STIM1: variants seen among roughly 807,000 people sequenced by gnomAD.
STIM1 encodes the protein stromal interaction molecule 1.
In STIM1, 25 loss-of-function variants were observed where a neutral mutation model predicts 74.7. That is an observed-to-expected ratio of 0.33 (90% CI 0.24 to 0.47). The LOEUF (loss-of-function observed/expected upper bound fraction) is 0.47, where lower values mean the gene tolerates loss of function less well. STIM1 is among the 20% of genes least tolerant of loss of function. The pLI is 1.00. For missense variants in STIM1, 728 were observed against 920.8 expected, an observed-to-expected ratio of 0.79 and a Z score of 2.71; for synonymous variants, 328 against 348.8, an observed-to-expected ratio of 0.94 and a Z score of 0.66.
At chr11:3,970,416 A>G (rs963179848) in intron 2 of STIM1, among the ~76,000 whole-genome samples, 3 of 152,284 alleles carry the variant, frequency 2.0e-5, no homozygotes, top group East Asian at 3.9e-4. Flanking sequence ...TCAAACATGT[A>G]TAAGATAGCC....
chr11:3,957,811 C>T (rs1032572098), intron 1 of STIM1, among the ~76,000 whole-genome samples: 1 of 152,042 alleles, frequency 6.6e-6, no homozygotes, highest in African/African-American at 2.4e-5. Context: ...TGTGATCTTC[C>T]TACCTTGGCC....
intron 4 of STIM1, 58 bp from the exon 5 acceptor site, chr11:4,059,223 C>A: frequency 1.4e-6 from 2 of 1,466,874 alleles, no homozygotes; most frequent in Non-Finnish European, 1.9e-6. Flanking sequence ...GTAATCCTAC[C>A]AGGATCCTTC....
chr11:4,040,521 CT>C (rs2094139963), intron 3 of STIM1, among the ~76,000 whole-genome samples: 1 of 152,246 alleles, frequency 6.6e-6, no homozygotes, highest in African/African-American at 2.4e-5. Context: ...CCCACAGCCC[CT>C]ATCTCTTCAC....
At chr11:4,055,989 G>A (rs551250290) in intron 4 of STIM1, among the ~76,000 whole-genome samples, 8 of 152,266 alleles carry the variant, frequency 5.3e-5, no homozygotes, top group African/African-American at 1.9e-4. Flanking sequence ...TGATGAAACT[G>A]GTTAAGTAAC....
chr11:4,044,022 G>T (rs2094170787), intron 3 of STIM1, among the ~76,000 whole-genome samples: 1 of 151,576 alleles, frequency 6.6e-6, no homozygotes, highest in African/African-American at 2.4e-5. Flanking sequence ...CAAAAAAAAA[G>T]AAAAAAAAGA....
intron 2 of STIM1, among the ~76,000 whole-genome samples, chr11:4,004,696 A>ATGAAG (rs766369614): frequency 0.025 from 3,787 of 151,374 alleles, 121 homozygotes; most frequent in African/African-American, 0.082. Context: ...CATGTCTAAA[A>ATGAAG]CACCAAAAGC....
intron 1 of STIM1, among the ~76,000 whole-genome samples, chr11:3,909,091 C>T (rs72847179): frequency 0.03 from 4,582 of 152,220 alleles, 94 homozygotes; most frequent in Non-Finnish European, 0.044. Context: ...ACTTTTCTTT[C>T]CTGAGTTGAG....
At chr11:3,959,096 A>G (rs778547760) in intron 1 of STIM1, among the ~76,000 whole-genome samples, 5 of 152,164 alleles carry the variant, frequency 3.3e-5, no homozygotes, top group Non-Finnish European at 7.3e-5. Context: ...TCCCAGGGCT[A>G]GTACTCTCAA....
rs569904135 is a variant in STIM1, at chr11:3,951,092, A to T, written c.140-16460A>T. 1.1e-4 allele frequency among the ~76,000 whole-genome samples: 16 copies of T among 152,332 alleles called. No homozygotes were observed. In the South Asian group the frequency reaches 3.1e-3, roughly 30 times the overall value. ...TAGAGGTATCGCCCTCAGAAATCAGATCAGGCTTGTGCAGAGGAGGGAGCA... is the reference window on the plus strand; with the variant it reads ...TAGAGGTATCGCCCTCAGAAATCAGTTCAGGCTTGTGCAGAGGAGGGAGCA... On this transcript the variant is annotated intron_variant, in intron 1 of 12. Transcript: ENST00000526596.
intron 4 of STIM1, 106 bp from the exon 5 acceptor site, chr11:4,059,175 C>A: frequency 1.0e-6 from 1 of 987,664 alleles, no homozygotes; most frequent in Non-Finnish European, 1.6e-6. Context: ...CAGAGGGGAG[C>A]AATCACCAAG....
intron 3 of STIM1, among the ~76,000 whole-genome samples, chr11:4,052,375 G>A (rs966387842): frequency 5.9e-5 from 9 of 152,088 alleles, no homozygotes; most frequent in South Asian, 2.1e-4. Flanking sequence ...GCATGGTACC[G>A]GTACCAAAAC....
At position 4,086,468 on chromosome 11, in the gene STIM1, T is replaced by C. The variant is rs201450136; in HGVS notation, c.1568-9T>C. The C allele has an allele frequency of 1.6e-4, 257 of 1,613,686 alleles. 2 individuals carry two copies. Among genetic ancestry groups the C allele is most frequent in the Non-Finnish European group, 2.0e-4 (232 of 1,179,878 alleles). Reference sequence around the variant, plus strand: ...GCCCCTCCTGACACTTTCTTTATTCTCCTTGCAGCCCCTAGCCTGCAGAGC... The same window carrying C: ...GCCCCTCCTGACACTTTCTTTATTCCCCTTGCAGCCCCTAGCCTGCAGAGC... On this transcript the variant is annotated splice_polypyrimidine_tract_variant and intron_variant, in intron 11 of 12. Coordinates refer to ENST00000526596, the MANE Select transcript of STIM1 (RefSeq NM_001382567.1).
chr11:4,043,960 A>G (rs955364754), intron 3 of STIM1, among the ~76,000 whole-genome samples: 1 of 152,130 alleles, frequency 6.6e-6, no homozygotes, highest in Non-Finnish European at 1.5e-5. Flanking sequence ...GGTTGCAGTG[A>G]GCTGAGATTG....
chr11:3,873,847 A>T (rs560044716), intron 1 of STIM1, among the ~76,000 whole-genome samples: 2 of 152,228 alleles, frequency 1.3e-5, no homozygotes, highest in African/African-American at 4.8e-5. Context: ...TTCCCCAAAG[A>T]ATTCAGTGAT....
In STIM1 at chr11:4,092,650, G is replaced by A. The variant is rs1327702343; in HGVS notation, c.*852G>A. The stretch of plus-strand genomic sequence containing the variant: ...CAAGCATCAATACTCCTAGGGCTCA[G>A]GACAAGTGGCTCCCCTGGCCAGGAG... On this transcript the variant is annotated 3_prime_UTR_variant, in exon 13 of 13. Transcript: ENST00000526596. The A allele has an allele frequency of 6.6e-6, 1 of 152,196 alleles. No individual in the cohort carries two copies. Among genetic ancestry groups the A allele is most frequent in the Admixed American group, 6.5e-5 (1 of 15,272 alleles). 9.4% of individuals were successfully genotyped at this position (152,196 alleles called of 1,614,324 possible).
chr11:4,027,013 C>G (rs545639995), intron 3 of STIM1, among the ~76,000 whole-genome samples: 1 of 152,100 alleles, frequency 6.6e-6, no homozygotes, highest in African/African-American at 2.4e-5. Context: ...GTTCTAGTCA[C>G]GTGGTTGATT....
Position 4,055,703 on chromosome 11 carries a change from C to G in STIM1, c.497+66C>G, listed in dbSNP as rs974756994. ...GAATGGGCTGGAGTGGGCCTGCCTT[C>G]AGATTGCTCTGGCCAGTTAAGTGAG... On this transcript the variant is annotated intron_variant, in intron 4 of 12. Transcript: ENST00000526596. 4 of 1,270,182 alleles carry G rather than the reference C, an allele frequency of 3.1e-6. No individual in the cohort carries two copies. In the Admixed American group the frequency reaches 6.1e-5, roughly 19 times the overall value. The allele number at this position is 1,270,182 out of a possible 1,614,324, so 78.7% of individuals were successfully genotyped here.
intron 1 of STIM1, among the ~76,000 whole-genome samples, chr11:3,860,200 T>C (rs1257507526): frequency 6.6e-6 from 1 of 152,220 alleles, no homozygotes; most frequent in Non-Finnish European, 1.5e-5. Flanking sequence ...CTGAACCTAA[T>C]TGTAGGACAG....
At chr11:3,948,597 G>T (rs901226203) in intron 1 of STIM1, among the ~76,000 whole-genome samples, 5 of 152,146 alleles carry the variant, frequency 3.3e-5, no homozygotes, top group African/African-American at 1.2e-4. Flanking sequence ...GGAGCCCTAC[G>T]TGAGCCAGTT....
Sources: gnomAD v4.1 joint callset for allele counts (sites outside exome capture counted in the v4.1 genomes callset) on GRCh38, gnomAD v4.1.1 for gene constraint, MANE v1.5 for transcripts, NCBI Gene and HGNC (gene_info 2026-07-23, HGNC 2026-07-21) for gene names.